MAPK13: variants seen among roughly 807,000 people sequenced by gnomAD.
The protein encoded by MAPK13 is MAP kinase 13.
Under a neutral mutation model 53.5 loss-of-function variants are expected in MAPK13, and 39 were observed. That is an observed-to-expected ratio of 0.73 (90% CI 0.56 to 0.95). MAPK13 has a LOEUF of 0.95. MAPK13 is among the 40% of genes least tolerant of loss of function. MAPK13 has a pLI of 0.00. For synonymous variants in MAPK13, 179 were observed against 190.9 expected, an observed-to-expected ratio of 0.94 and a Z score of 0.51; for missense variants, 460 against 471.8, an observed-to-expected ratio of 0.98 and a Z score of 0.23.
rs1218840801 is a variant in MAPK13 at position 36,139,404 on chromosome 6, A to C, written c.*31A>C. ...CATCTTGCATGGCACCGCCGGCCAG[A>C]CACTGCCCAAGGACCAGTATTTGTC... On this transcript the variant is annotated 3_prime_UTR_variant, in exon 12 of 12. Transcript: ENST00000211287. 1 of 1,588,236 alleles carries C rather than the reference A, an allele frequency of 6.3e-7. No homozygotes were observed. The highest frequency in any genetic ancestry group is 8.6e-7 in the Non-Finnish European group (1 of 1,156,800).
intron 3 of MAPK13, among the ~76,000 whole-genome samples, chr6:36,134,234 G>A (rs759706107): frequency 1.5e-4 from 23 of 152,088 alleles, no homozygotes; most frequent in Non-Finnish European, 1.0e-4. Flanking sequence ...GGCATGGAGA[G>A]GCCCCCAAGG....
At chr6:36,135,949 G>A (rs1766408818) in intron 4 of MAPK13, 70 bp from the exon 5 acceptor site, 7 of 1,605,430 alleles carry the variant, frequency 4.4e-6, no homozygotes, top group Admixed American at 3.3e-5. Context: ...CACTGTTACA[G>A]GTCGGCCAGC....
At position 36,135,599 on chromosome 6, in the gene MAPK13, G is replaced by A. The variant is rs904035885; in HGVS notation, c.309-154G>A. Among the ~76,000 whole-genome samples the A allele has an allele frequency of 3.9e-5, 6 of 152,210 alleles. No individual in the cohort carries two copies. In the East Asian group the frequency reaches 5.8e-4, roughly 15 times the overall value. ...CTGGGAGCCAGGAGCCCAGAGGCCC[G>A]TGTGGTGATCTGGCTGGCTGAGGTG... On this transcript the variant is annotated intron_variant, in intron 3 of 11. Transcript: ENST00000211287.
At position 36,140,729 on chromosome 6, in the gene MAPK13, G is replaced by A. The variant is rs956806211; in HGVS notation, c.*1356G>A. ...AGGAGACTGGGGGGCTTCAGATGGA[G>A]TTTCACACTCATCTTACAGGTGTTA... On this transcript the variant is annotated 3_prime_UTR_variant, in exon 12 of 12. Transcript: ENST00000211287. The A allele has an allele frequency of 6.6e-6, 1 of 152,580 alleles. No homozygotes were observed. Among genetic ancestry groups the A allele is most frequent in the Non-Finnish European group, 1.5e-5 (1 of 68,062 alleles). 9.5% of individuals were successfully genotyped at this position (152,580 alleles called of 1,614,324 possible).
intron 2 of MAPK13, 26 bp from the exon 3 acceptor site, chr6:36,132,595 G>A: frequency 6.2e-7 from 1 of 1,612,066 alleles, no homozygotes; most frequent in Non-Finnish European, 8.5e-7. Context: ...CGTCTGTCTA[G>A]CCCTCACAGG....
At position 36,142,753 on chromosome 6, in the gene MAPK13, T is replaced by C. The variant is rs577711517; in HGVS notation, c.*3380T>C. The C allele has an allele frequency of 6.6e-6, 1 of 152,458 alleles. No homozygotes were observed. Among genetic ancestry groups the C allele is most frequent in the South Asian group, 2.1e-4 (1 of 4,828 alleles). 9.4% of individuals were successfully genotyped at this position (152,458 alleles called of 1,614,324 possible). ...CCAGACCCCACCCCCCGCTTCATCC[T>C]CTGGTGTCCTCCTAGGCCATCCCCA... On this transcript the variant is annotated 3_prime_UTR_variant, in exon 12 of 12. Transcript: ENST00000211287. The surrounding 1 kb of genome is among the most constrained non-coding windows in gnomAD (Gnocchi z 4.4).
Position 36,130,758 on chromosome 6 carries a change from G to A in MAPK13, c.119+57G>A. The A allele has an allele frequency of 2.1e-6, 2 of 943,226 alleles. No individual in the cohort carries two copies. The highest frequency in any genetic ancestry group is 1.6e-6 in the Non-Finnish European group (1 of 644,614). The allele number at this position is 943,226 out of a possible 1,614,324, so 58.4% of individuals were successfully genotyped here. ...GCGGGCGCCAGGCTCTCCCCTTTCC[G>A]CCCAGCCCGCCCTGGGCTGGCCCCT... On this transcript the variant is annotated intron_variant, in intron 1 of 11. Coordinates refer to ENST00000211287, the MANE Select transcript of MAPK13 (RefSeq NM_002754.5). This position sits in a 1 kb window ranked among gnomAD's most constrained non-coding sequence, Gnocchi z 4.5.
chr6:36,133,727 C>A (rs1766361717), intron 3 of MAPK13, among the ~76,000 whole-genome samples: 2 of 152,188 alleles, frequency 1.3e-5, no homozygotes, highest in Non-Finnish European at 2.9e-5. Flanking sequence ...CTGGAATAAT[C>A]ACCGATGGGT....
At chr6:36,137,988 A>G in intron 8 of MAPK13, among the ~76,000 whole-genome samples, 1 of 151,210 alleles carries the variant, frequency 6.6e-6, no homozygotes, top group Admixed American at 6.6e-5. Flanking sequence ...AAATGTAGAT[A>G]AGCAAAATGA....
intron 8 of MAPK13, among the ~76,000 whole-genome samples, chr6:36,137,874 G>C (rs1185036084): frequency 7.0e-6 from 1 of 143,442 alleles, no homozygotes. Context: ...CAGGAAAATC[G>C]CTTGAACCCA....
At chr6:36,131,055 C>G (rs1458145527) in intron 1 of MAPK13, 1 of 564,292 alleles carries the variant, frequency 1.8e-6, no homozygotes, top group Non-Finnish European at 3.1e-6. Context: ...CCGTGGATCC[C>G]GTCGCAATGA....
rs992502923 is a variant in MAPK13, at chr6:36,144,117, C to T, written c.*4744C>T. 6.6e-6 allele frequency: 1 copy of T among 152,214 alleles called. No individual in the cohort carries two copies. The highest frequency in any genetic ancestry group is 1.5e-5 in the Non-Finnish European group (1 of 68,034). The allele number at this position is 152,214 out of a possible 1,614,324, so 9.4% of individuals were successfully genotyped here. ...CCCTGGGTTCAGGTGATCCTCCCAC[C>T]TCAGCCTCCCAAGTAGCTGGGACTA... On this transcript the variant is annotated 3_prime_UTR_variant, in exon 12 of 12. Transcript: ENST00000211287.
rs1052378549 is a variant in MAPK13, at chr6:36,138,879, C to G, written c.842C>G (p.Ala281Gly). The G allele has an allele frequency of 1.9e-6, 3 of 1,610,266 alleles. No homozygotes were observed. Among genetic ancestry groups the G allele is most frequent in the African/African-American group, 2.7e-5 (2 of 74,746 alleles). The change falls in exon 11 of 12, where the codon GCT (alanine) becomes GGT (glycine). Residue 281 changes from alanine (A) to glycine (G), a missense_variant and splice_region_variant. Coordinates refer to ENST00000211287, the MANE Select transcript of MAPK13 (RefSeq NM_002754.5). Reference sequence around the variant, plus strand: ...GAGGCTCTTGGCTCTGCCCCTGCAGCTGCGGACCTGCTGGAGAAGATGCTG... The same window carrying G: ...GAGGCTCTTGGCTCTGCCCCTGCAGGTGCGGACCTGCTGGAGAAGATGCTG... Reference protein sequence around the residue: ...TQLFPRASPQAADLLEKMLEL... With the variant: ...TQLFPRASPQGADLLEKMLEL...
intron 8 of MAPK13, among the ~76,000 whole-genome samples, 190 bp from the exon 9 acceptor site, chr6:36,138,175 C>A (rs753659957): frequency 6.6e-6 from 1 of 152,018 alleles, no homozygotes; most frequent in Non-Finnish European, 1.5e-5. Context: ...CAGCCTGGCA[C>A]GTTGGAAAGC....
At position 36,130,992 on chromosome 6, in the gene MAPK13, C is replaced by T; in HGVS notation, c.120-279C>T. 1.9e-6 allele frequency: 1 copy of T among 528,690 alleles called. No individual in the cohort carries two copies. The highest frequency in any genetic ancestry group is 3.5e-5 in the Admixed American group (1 of 28,740). The allele number at this position is 528,690 out of a possible 1,614,324, so 32.7% of individuals were successfully genotyped here. A position where few individuals can be genotyped will look rare whatever the true frequency, so the allele number is the denominator to read the frequency against. ...GTTACAGACGAGTACACCGAGGCCCCAAGAGGGGGAGGTGGCTCGCCAAGT... is the reference window on the plus strand; with the variant it reads ...GTTACAGACGAGTACACCGAGGCCCTAAGAGGGGGAGGTGGCTCGCCAAGT... On this transcript the variant is annotated intron_variant, in intron 1 of 11. Coordinates refer to ENST00000211287, the MANE Select transcript of MAPK13 (RefSeq NM_002754.5). This position sits in a 1 kb window ranked among gnomAD's most constrained non-coding sequence, Gnocchi z 4.5.
chr6:36,141,857 T>C lies in MAPK13; in HGVS notation c.*2484T>C, dbSNP rs992306397. The C allele has an allele frequency of 1.1e-4, 16 of 152,294 alleles. No homozygotes were observed. Among genetic ancestry groups the C allele is most frequent in the African/African-American group, 3.9e-4 (16 of 41,424 alleles). 9.4% of individuals were successfully genotyped at this position (152,294 alleles called of 1,614,324 possible). On this transcript the variant is annotated 3_prime_UTR_variant, in exon 12 of 12. Transcript: ENST00000211287. ...AGACCCTTACTGCTGACTGTGTCCA[T>C]GGTCTCTGTTTTCTCTCCCACAGAA... is the stretch of plus-strand genomic sequence containing the variant.
intron 3 of MAPK13, among the ~76,000 whole-genome samples, chr6:36,135,423 C>G (rs1330085485): frequency 6.6e-6 from 1 of 152,212 alleles, no homozygotes; most frequent in Non-Finnish European, 1.5e-5. Context: ...GTTTCTAACT[C>G]CTAGCTGTGG....
At chr6:36,135,903 G>C (rs201381753) in intron 4 of MAPK13, 42 bp downstream of exon 4, 76 of 1,598,638 alleles carry the variant, frequency 4.8e-5, no homozygotes, top group Non-Finnish European at 6.2e-5. Context: ...ACGCCTTGCT[G>C]TCTAGACCTG....
chr6:36,136,678 G>A lies in MAPK13; in HGVS notation c.518G>A (p.Arg173Gln), dbSNP rs773875976. The A allele has an allele frequency of 2.7e-5, 44 of 1,613,824 alleles. No homozygotes were observed. The highest frequency in any genetic ancestry group is 3.4e-5 in the Non-Finnish European group (40 of 1,179,946). ...ELKILDFGLARHADAEMTGYV... is the reference protein window; with the variant it reads ...ELKILDFGLAQHADAEMTGYV... ...TAGATTCTGGATTTTGGGCTGGCGC[G>A]ACATGCAGACGCCGAGATGACTGGC... The change falls in exon 7 of 12, where the codon CGA becomes CAA. Residue 173 changes from arginine (R) to glutamine (Q), a missense_variant. Transcript: ENST00000211287.
Sources: gnomAD v4.1 joint callset for allele counts (sites outside exome capture counted in the v4.1 genomes callset) on GRCh38, gnomAD v4.1.1 for gene constraint, Gnocchi (gnomAD v3.1) non-coding constraint, MANE v1.5 for transcripts, NCBI Gene and HGNC (gene_info 2026-07-23, HGNC 2026-07-21) for gene names.